Variants in PDE3B observed in about 807,000 individuals in gnomAD.
The protein encoded by PDE3B is cGMP-inhibited 3',5'-cyclic phosphodiesterase 3B.
PDE3B carries 66 observed loss-of-function variants against 116.8 expected under a neutral mutation model. That is an observed-to-expected ratio of 0.56 (90% CI 0.46 to 0.69). PDE3B has a LOEUF of 0.69. Among genes scored for constraint, PDE3B ranks in the 30% least tolerant of loss-of-function variants. PDE3B has a pLI of 0.00. For synonymous variants in PDE3B, 595 were observed against 533.6 expected (o/e 1.12, Z -1.59); for missense variants, 1,384 against 1,368.1 (o/e 1.01, Z -0.18).
chr11:14,778,903 G>A (rs1020641003), intron 2 of PDE3B, among the ~76,000 whole-genome samples: 37 of 152,212 alleles, frequency 2.4e-4, no homozygotes, highest in African/African-American at 6.0e-4. Flanking sequence ...CGAACCCATC[G>A]CAAAGAAGCC....
rs116016648 is a variant in PDE3B, at chr11:14,818,723, T to A, written c.1733+330T>A. Reference sequence around the variant, plus strand: ...TAGTAGTTTTTATTCTAAATAAATATCTTCTCATTTTAGTGGTTATTAATT... The same window carrying A: ...TAGTAGTTTTTATTCTAAATAAATAACTTCTCATTTTAGTGGTTATTAATT... On this transcript the variant is annotated intron_variant, in intron 6 of 15. Transcript: ENST00000282096. 3.4e-3 allele frequency among the ~76,000 whole-genome samples: 515 copies of A among 152,194 alleles called. 6 individuals carry two copies. The highest frequency in any genetic ancestry group is 0.012 in the African/African-American group (491 of 41,558).
At chr11:14,759,795 C>A (rs1857304571) in intron 1 of PDE3B, among the ~76,000 whole-genome samples, 1 of 152,060 alleles carries the variant, frequency 6.6e-6, no homozygotes, top group Non-Finnish European at 1.5e-5. Context: ...GATCTGCCCG[C>A]CTTGGCCTCC....
At chr11:14,891,388 G>A in the PDE3B span, 2 of 985,660 alleles carry the variant, frequency 2.0e-6, no homozygotes, top group Non-Finnish European at 2.4e-6. Context: ...GACCCCCGCA[G>A]CGGATTTTAG....
intron 1 of PDE3B, among the ~76,000 whole-genome samples, chr11:14,748,890 CTTT>C (rs372787656): frequency 8.0e-5 from 11 of 137,600 alleles, no homozygotes; most frequent in Non-Finnish European, 9.5e-5. Context: ...TCTTTTCTTT[CTTT>C]TTTTTTTTTT....
intron 2 of PDE3B, among the ~76,000 whole-genome samples, chr11:14,781,744 A>C (rs1287826934): frequency 6.6e-6 from 1 of 152,074 alleles, no homozygotes; most frequent in Non-Finnish European, 1.5e-5. Flanking sequence ...CCTTTGAAAA[A>C]CAGCACAAGA....
intron 12 of PDE3B, among the ~76,000 whole-genome samples, chr11:14,852,325 G>A (rs1847769305): frequency 6.6e-6 from 1 of 152,110 alleles, no homozygotes; most frequent in Non-Finnish European, 1.5e-5. Flanking sequence ...CAAAGTGCTG[G>A]GATTACAGGC....
At chr11:14,691,533 G>A (rs151080484) in intron 1 of PDE3B, among the ~76,000 whole-genome samples, 100 of 152,208 alleles carry the variant, frequency 6.6e-4, no homozygotes, top group African/African-American at 2.3e-3. Context: ...AAAAGGTACA[G>A]AATTGTCAGG....
chr11:14,749,809 T>A (rs1441246246), intron 1 of PDE3B, among the ~76,000 whole-genome samples: 2 of 145,306 alleles, frequency 1.4e-5, no homozygotes, highest in Non-Finnish European at 1.5e-5. Context: ...TATTTACACA[T>A]GCACATCCTC....
At chr11:14,708,337 G>A (rs960157370) in intron 1 of PDE3B, among the ~76,000 whole-genome samples, 2 of 151,990 alleles carry the variant, frequency 1.3e-5, no homozygotes, top group Non-Finnish European at 2.9e-5. Context: ...GAACTTTCCA[G>A]TCATCAGAAT....
chr11:14,845,154 G>C (rs1434349106), intron 12 of PDE3B, among the ~76,000 whole-genome samples: 1 of 151,936 alleles, frequency 6.6e-6, no homozygotes, highest in Non-Finnish European at 1.5e-5. Context: ...CCAGAGGAAC[G>C]ATCAGACAGC....
chr11:14,856,364 G>A (rs369600262), intron 12 of PDE3B, among the ~76,000 whole-genome samples: 12 of 152,134 alleles, frequency 7.9e-5, no homozygotes, highest in African/African-American at 2.4e-4. Context: ...AGAACAAACC[G>A]AGAACAGTGT....
intron 1 of PDE3B, among the ~76,000 whole-genome samples, chr11:14,735,984 G>GTA (rs1856587086): frequency 6.6e-6 from 1 of 151,886 alleles, no homozygotes; most frequent in Non-Finnish European, 1.5e-5. Context: ...GTGTGTGTGT[G>GTA]TGTGTGTGTG....
intron 1 of PDE3B, among the ~76,000 whole-genome samples, chr11:14,731,973 C>T (rs1856470893): frequency 6.6e-6 from 1 of 151,942 alleles, no homozygotes; most frequent in Non-Finnish European, 1.5e-5. Context: ...AAGGGGAATT[C>T]TAGGGGTTAG....
At chr11:14,803,255 A>G (rs1858825865) in intron 4 of PDE3B, among the ~76,000 whole-genome samples, 1 of 152,212 alleles carries the variant, frequency 6.6e-6, no homozygotes, top group African/African-American at 2.4e-5. Flanking sequence ...TGAATTACTT[A>G]TTTTCACACA....
chr11:14,814,011 G>C (rs976887139), intron 5 of PDE3B, among the ~76,000 whole-genome samples: 2 of 152,038 alleles, frequency 1.3e-5, no homozygotes. Context: ...TACTCATATG[G>C]TCATCTTAAT....
Position 14,832,835 on chromosome 11 carries a change from T to C in PDE3B, c.2206+2T>C. The C allele has an allele frequency of 8.2e-7, 1 of 1,225,246 alleles. No homozygotes were observed. The highest frequency in any genetic ancestry group is 1.2e-6 in the Non-Finnish European group (1 of 842,872). 75.9% of individuals were successfully genotyped at this position (1,225,246 alleles called of 1,614,324 possible). ...AAAATGGCTATCGAGACATTCCTTGTAAGTATTAACATATTTTATTATTTA... is the reference window on the plus strand; with the variant it reads ...AAAATGGCTATCGAGACATTCCTTGCAAGTATTAACATATTTTATTATTTA... On this transcript the variant is annotated splice_donor_variant, in intron 10 of 15. Coordinates refer to ENST00000282096, the MANE Select transcript of PDE3B (RefSeq NM_000922.4). LOFTEE classifies it high-confidence loss of function.
chr11:14,648,477 GTAT>G (rs1853475845), intron 1 of PDE3B, among the ~76,000 whole-genome samples: 1 of 152,000 alleles, frequency 6.6e-6, no homozygotes, highest in African/African-American at 2.4e-5. Flanking sequence ...GAATACTGTA[GTAT>G]TTGTGAAATT....
rs183113507 is a variant in PDE3B, at chr11:14,649,283, T to C, written c.978+4230T>C. 1.2e-4 allele frequency among the ~76,000 whole-genome samples: 18 copies of C among 152,308 alleles called. No individual in the cohort carries two copies. In the East Asian group the frequency reaches 3.5e-3, roughly 29 times the overall value. On this transcript the variant is annotated intron_variant, in intron 1 of 15. Coordinates refer to ENST00000282096, the MANE Select transcript of PDE3B (RefSeq NM_000922.4). ...CCCCATTCAAAGCAAAAATTTATTC[T>C]TGCCGAAAAAGCCTATTTCAGTATA... is the stretch of plus-strand genomic sequence containing the variant.
intron 7 of PDE3B, among the ~76,000 whole-genome samples, chr11:14,830,337 G>T (rs758781652): frequency 6.6e-6 from 1 of 152,008 alleles, no homozygotes; most frequent in African/African-American, 2.4e-5. Flanking sequence ...TTGTAATTAT[G>T]ATTTTAGAAT....
Sources: allele counts gnomAD v4.1 joint callset (sites outside exome capture counted in the v4.1 genomes callset), GRCh38; gene constraint gnomAD v4.1.1; transcripts MANE v1.5; gene names NCBI Gene and HGNC (gene_info 2026-07-23, HGNC 2026-07-21).